GRID2: variants seen among roughly 807,000 people sequenced by gnomAD.
The protein encoded by GRID2 is glutamate receptor ionotropic, delta-2.
A neutral mutation model predicts 114.8 loss-of-function variants in GRID2; 33 were observed. The ratio of observed to expected loss-of-function variants is 0.29; its 90% confidence interval spans 0.22 to 0.38. The LOEUF is 0.38. GRID2 is among the 10% of genes least tolerant of loss of function. The probability of loss-of-function intolerance (pLI) is 1.00; values close to 1 mark genes in which losing one functional copy is unlikely to be tolerated. For missense variants in GRID2, 1,184 were observed against 1,257.7 expected, an observed-to-expected ratio of 0.94 and a Z score of 0.89; for synonymous variants, 505 against 449.9, an observed-to-expected ratio of 1.12 and a Z score of -1.55.
chr4:92,680,541 C>T (rs571530663), intron 2 of GRID2, among the ~76,000 whole-genome samples: 14 of 152,066 alleles, frequency 9.2e-5, no homozygotes, highest in Non-Finnish European at 1.6e-4. Context: ...TCATCAGCTG[C>T]GGAAGCTTTA....
chr4:92,604,309 C>G (rs1473424810), intron 2 of GRID2, among the ~76,000 whole-genome samples: 1 of 152,022 alleles, frequency 6.6e-6, no homozygotes, highest in Admixed American at 6.6e-5. Flanking sequence ...CAATGATAAA[C>G]TGGATAAAGA....
At position 93,267,133 on chromosome 4, in the gene GRID2, T is replaced by A. The variant is rs1205964291; in HGVS notation, c.1245+28643T>A. On this transcript the variant is annotated intron_variant, in intron 8 of 15. Coordinates refer to ENST00000282020, the MANE Select transcript of GRID2 (RefSeq NM_001510.4). The stretch of plus-strand genomic sequence containing the variant: ...ATCATGATTTTATTCTTTTTATGGG[T>A]GGATAGTGTTCCATTGAATAGTACA... 2.0e-5 allele frequency among the ~76,000 whole-genome samples: 3 copies of A among 151,706 alleles called. No individual in the cohort carries two copies. In the East Asian group the frequency reaches 5.8e-4, roughly 29 times the overall value.
chr4:93,198,352 A>G (rs996372721), intron 4 of GRID2, among the ~76,000 whole-genome samples: 1 of 152,152 alleles, frequency 6.6e-6, no homozygotes, highest in Non-Finnish European at 1.5e-5. Flanking sequence ...ATGGATGATC[A>G]TAGAAGTCAT....
chr4:92,904,246 A>T (rs1399329487), intron 2 of GRID2, among the ~76,000 whole-genome samples: 1 of 151,206 alleles, frequency 6.6e-6, no homozygotes, highest in Non-Finnish European at 1.5e-5. Flanking sequence ...GTATACTCAT[A>T]AAAGTTTAAG....
chr4:93,029,495 T>G (rs1724189249), intron 2 of GRID2, among the ~76,000 whole-genome samples: 1 of 152,288 alleles, frequency 6.6e-6, no homozygotes, highest in African/African-American at 2.4e-5. Context: ...AATTGTGATT[T>G]TGGTAATATT....
intron 4 of GRID2, among the ~76,000 whole-genome samples, chr4:93,172,607 A>G (rs541230356): frequency 1.4e-4 from 22 of 152,268 alleles, no homozygotes; most frequent in African/African-American, 4.3e-4. Context: ...AAAGAAAAAA[A>G]AAAGAAAATA....
chr4:92,838,750 A>G (rs1553933929), intron 2 of GRID2: 2 of 152,242 alleles, frequency 1.3e-5, no homozygotes, highest in Non-Finnish European at 1.5e-5. Flanking sequence ...GTAAACTAAC[A>G]TTCCTCCATA....
intron 2 of GRID2, among the ~76,000 whole-genome samples, chr4:92,947,032 C>T (rs1751690432): frequency 6.6e-6 from 1 of 151,954 alleles, no homozygotes; most frequent in Non-Finnish European, 1.5e-5. Flanking sequence ...GAAAGCACTA[C>T]CTTGTATAAT....
At chr4:93,198,514 G>A (rs1741735810) in intron 4 of GRID2, among the ~76,000 whole-genome samples, 2 of 152,102 alleles carry the variant, frequency 1.3e-5, no homozygotes, top group African/African-American at 4.8e-5. Flanking sequence ...CTGAACCAGA[G>A]GGACTAAGGG....
chr4:93,056,105 T>C (rs1727209968), intron 2 of GRID2, among the ~76,000 whole-genome samples: 1 of 151,990 alleles, frequency 6.6e-6, no homozygotes, highest in Admixed American at 6.6e-5. Context: ...TTTGGAAACC[T>C]GCAGGGGTGT....
chr4:93,549,208 T>G (rs1452109201), intron 13 of GRID2, among the ~76,000 whole-genome samples: 1 of 152,162 alleles, frequency 6.6e-6, no homozygotes, highest in African/African-American at 2.4e-5. Flanking sequence ...CGCACTATTT[T>G]TATCAGGAAA....
intron 1 of GRID2, among the ~76,000 whole-genome samples, chr4:92,450,039 T>C (rs887490892): frequency 6.6e-6 from 1 of 152,014 alleles, no homozygotes; most frequent in Non-Finnish European, 1.5e-5. Flanking sequence ...ATATGTCAGA[T>C]ATGAAAAGTA....
chr4:92,500,178 A>G (rs1349710276), intron 1 of GRID2, among the ~76,000 whole-genome samples: 1 of 151,578 alleles, frequency 6.6e-6, no homozygotes, highest in South Asian at 2.1e-4. Flanking sequence ...TTTTTTTTAA[A>G]TCTTTTATCC....
intron 1 of GRID2, among the ~76,000 whole-genome samples, chr4:92,335,889 C>T (rs572698840): frequency 6.6e-6 from 1 of 152,250 alleles, no homozygotes; most frequent in Non-Finnish European, 1.5e-5. Flanking sequence ...TTTTAAAGAG[C>T]TATGTGGTGG....
At chr4:92,943,860 C>T (rs1029990782) in intron 2 of GRID2, among the ~76,000 whole-genome samples, 2 of 152,184 alleles carry the variant, frequency 1.3e-5, no homozygotes, top group African/African-American at 4.8e-5. Flanking sequence ...GCCCTGTTTG[C>T]CTGAGTATCA....
intron 8 of GRID2, among the ~76,000 whole-genome samples, chr4:93,357,188 C>T (rs933362811): frequency 9.2e-5 from 14 of 151,488 alleles, no homozygotes; most frequent in African/African-American, 2.9e-4. Flanking sequence ...TCTCTTTTCT[C>T]ACCTATCAAA....
At chr4:92,700,884 C>T (rs896461718) in intron 2 of GRID2, among the ~76,000 whole-genome samples, 5 of 150,294 alleles carry the variant, frequency 3.3e-5, no homozygotes, top group South Asian at 2.1e-4. Context: ...CCCAGCTACG[C>T]GGGAGGCTGA....
At chr4:93,550,312 C>G (rs1243606684) in intron 13 of GRID2, among the ~76,000 whole-genome samples, 1 of 152,006 alleles carries the variant, frequency 6.6e-6, no homozygotes, top group Non-Finnish European at 1.5e-5. Flanking sequence ...ACAAACACAC[C>G]TCTCATGACA....
chr4:92,581,294 A>C (rs1293001202), intron 1 of GRID2, among the ~76,000 whole-genome samples: 1 of 151,910 alleles, frequency 6.6e-6, no homozygotes, highest in African/African-American at 2.4e-5. Flanking sequence ...TTTATTCACT[A>C]AACTAGTATA....
Sources: gnomAD v4.1 joint callset for allele counts (sites outside exome capture counted in the v4.1 genomes callset) on GRCh38, gnomAD v4.1.1 for gene constraint, MANE v1.5 for transcripts, NCBI Gene and HGNC (gene_info 2026-07-23, HGNC 2026-07-21) for gene names.